TAPT1: variants seen among roughly 807,000 people sequenced by gnomAD.
TAPT1 encodes transmembrane anterior posterior transformation 1.
Under a neutral mutation model 65.6 loss-of-function variants are expected in TAPT1, and 28 were observed. The observed-to-expected ratio is 0.43, with a 90% confidence interval of 0.32 to 0.59. The LOEUF (loss-of-function observed/expected upper bound fraction) is 0.59, where lower values mean the gene tolerates loss of function less well. TAPT1 is among the 20% of genes least tolerant of loss of function. The pLI, the probability that TAPT1 is intolerant of heterozygous loss-of-function variation, is 0.09. For missense variants in TAPT1, 563 were observed against 679.9 expected, an observed-to-expected ratio of 0.83 and a Z score of 1.91; for synonymous variants, 278 against 245.2, an observed-to-expected ratio of 1.13 and a Z score of -1.25.
At chr4:16,187,440 T>C (rs753161366) in intron 5 of TAPT1, among the ~76,000 whole-genome samples, 13 of 152,212 alleles carry the variant, frequency 8.5e-5, no homozygotes, top group Non-Finnish European at 1.8e-4. Flanking sequence ...AGAATTATAT[T>C]TGTATTACAT....
rs374069187 is a variant in TAPT1 at position 16,215,285 on chromosome 4, T to C, written c.200-1387A>G. Among the ~76,000 whole-genome samples, 5 of 152,198 alleles carry C rather than the reference T, an allele frequency of 3.3e-5. No homozygotes were observed. In the East Asian group the frequency reaches 5.8e-4, roughly 18 times the overall value. ...CAGCGTAGGTGACACAGCAGGACTG[T>C]GTCTCAAAACAACAACAACAAAATA... On this transcript the variant is annotated intron_variant, in intron 1 of 13. Transcript: ENST00000405303.
intron 1 of TAPT1, among the ~76,000 whole-genome samples, chr4:16,215,874 T>G (rs1214164431): frequency 1.3e-5 from 2 of 152,186 alleles, no homozygotes; most frequent in East Asian, 3.8e-4. Flanking sequence ...AAAGAAAACC[T>G]TTTGAGTTGC....
intron 12 of TAPT1, among the ~76,000 whole-genome samples, chr4:16,167,313 T>C (rs980004418): frequency 6.6e-6 from 1 of 152,140 alleles, no homozygotes; most frequent in African/African-American, 2.4e-5. Flanking sequence ...TTGTAAGAAA[T>C]TATACCATTT....
At chr4:16,167,440 C>T (rs1399226006) in intron 12 of TAPT1, among the ~76,000 whole-genome samples, 1 of 152,196 alleles carries the variant, frequency 6.6e-6, no homozygotes, top group Non-Finnish European at 1.5e-5. Flanking sequence ...ATTCCACACC[C>T]TTATGATAAT....
intron 3 of TAPT1, among the ~76,000 whole-genome samples, chr4:16,193,248 AAG>A (rs990772468): frequency 6.6e-6 from 1 of 152,342 alleles, no homozygotes; most frequent in Admixed American, 6.5e-5. Flanking sequence ...GAGCCTAAAT[AAG>A]AGAGAGGTCA....
chr4:16,177,209 C>T (rs1165374573), intron 8 of TAPT1, among the ~76,000 whole-genome samples: 1 of 152,180 alleles, frequency 6.6e-6, no homozygotes, highest in Non-Finnish European at 1.5e-5. Flanking sequence ...ATTTGATCTT[C>T]ACAAATTATA....
chr4:16,184,491 C>A (rs1281456441), intron 7 of TAPT1, among the ~76,000 whole-genome samples: 1 of 152,176 alleles, frequency 6.6e-6, no homozygotes, highest in Non-Finnish European at 1.5e-5. Context: ...ACAAGTCCTA[C>A]TGAGGAAATA....
At chr4:16,224,677 G>T (rs1205187102) in intron 1 of TAPT1, among the ~76,000 whole-genome samples, 1 of 152,074 alleles carries the variant, frequency 6.6e-6, no homozygotes, top group East Asian at 1.9e-4. Flanking sequence ...CTGCAACTAT[G>T]GGTTAAAAAA....
At chr4:16,166,598 T>G (rs964709849) in intron 13 of TAPT1, 35 bp downstream of exon 13, 12 of 1,602,036 alleles carry the variant, frequency 7.5e-6, no homozygotes, top group African/African-American at 1.3e-5. Flanking sequence ...TCTTTGAAAA[T>G]GATCCAGGGA....
rs111648790 is a variant in TAPT1, at chr4:16,194,840, A to C, written c.450-3317T>G. Among the ~76,000 whole-genome samples the C allele has an allele frequency of 3.2e-3, 484 of 149,474 alleles. 8 individuals are homozygous for C. Among genetic ancestry groups the C allele is most frequent in the African/African-American group, 0.012 (456 of 38,920 alleles). On this transcript the variant is annotated intron_variant, in intron 3 of 13. Transcript: ENST00000405303. Reference sequence around the variant, plus strand: ...AATACAAGAAGCAGAACCTTTAAAAAACAAGGGTCTTGATTTCTGTCTTCT... The same window carrying C: ...AATACAAGAAGCAGAACCTTTAAAACACAAGGGTCTTGATTTCTGTCTTCT...
At position 16,213,446 on chromosome 4, in the gene TAPT1, CT is replaced by C. The variant is rs1315340094; in HGVS notation, c.330+321del. On this transcript the variant is annotated intron_variant, in intron 2 of 13. Coordinates refer to ENST00000405303, the MANE Select transcript of TAPT1 (RefSeq NM_153365.3). Reference sequence around the variant, plus strand: ...TGAATGGGGGAAAAAAAACCTGTTTCTAGTAAAAGAGAACTGAAGGGAACTA... The same window carrying C: ...TGAATGGGGGAAAAAAAACCTGTTTCAGTAAAAGAGAACTGAAGGGAACTA... Among the ~76,000 whole-genome samples, 4 of 152,094 alleles carry C rather than the reference CT, an allele frequency of 2.6e-5. No individual in the cohort carries two copies. The East Asian group carries it at 7.7e-4, about 29-fold the overall frequency.
At chr4:16,213,404 TAAATA>T (rs1292455396) in intron 2 of TAPT1, among the ~76,000 whole-genome samples, 8 of 152,248 alleles carry the variant, frequency 5.3e-5, no homozygotes, top group Middle Eastern at 6.8e-3. Flanking sequence ...AGGCTGAAAT[TAAATA>T]ATTTATCATG....
chr4:16,164,870 C>T (rs1387559844), intron 13 of TAPT1, among the ~76,000 whole-genome samples: 1 of 152,154 alleles, frequency 6.6e-6, no homozygotes, highest in Non-Finnish European at 1.5e-5. Flanking sequence ...AGTGATTATA[C>T]ACATTGTTAT....
At chr4:16,212,177 G>C (rs559713188) in intron 2 of TAPT1, among the ~76,000 whole-genome samples, 2 of 152,324 alleles carry the variant, frequency 1.3e-5, no homozygotes, top group Non-Finnish European at 2.9e-5. Context: ...ATAAAGTTTG[G>C]TGGGAGTTGC....
chr4:16,171,017 T>C (rs1747957983), intron 11 of TAPT1, among the ~76,000 whole-genome samples: 1 of 152,202 alleles, frequency 6.6e-6, no homozygotes, highest in Non-Finnish European at 1.5e-5. Flanking sequence ...GGCCCTATAC[T>C]TAGGTCATGA....
intron 7 of TAPT1, among the ~76,000 whole-genome samples, chr4:16,180,406 C>T (rs1220911301): frequency 1.3e-5 from 2 of 152,188 alleles, no homozygotes; most frequent in African/African-American, 2.4e-5. Context: ...GAGTGGCACA[C>T]CCATGTATGT....
At chr4:16,174,338 T>C (rs1323012410) in intron 10 of TAPT1, 66 bp from the exon 11 acceptor site, 1 of 1,369,628 alleles carries the variant, frequency 7.3e-7, no homozygotes, top group East Asian at 2.5e-5. Flanking sequence ...AAAGTACTAT[T>C]CACTTATTAC....
At chr4:16,216,310 GGTA>G (rs1750940888) in intron 1 of TAPT1, 1 of 152,072 alleles carries the variant, frequency 6.6e-6, no homozygotes, top group African/African-American at 2.4e-5. Flanking sequence ...CTTTAATGAT[GGTA>G]TTCTCCAATA....
intron 3 of TAPT1, among the ~76,000 whole-genome samples, chr4:16,197,834 A>G (rs1244689009): frequency 6.6e-6 from 1 of 152,218 alleles, no homozygotes. Context: ...CTTTTAAAGA[A>G]TTTAGATGCA....
Sources: allele counts gnomAD v4.1 joint callset (sites outside exome capture counted in the v4.1 genomes callset), GRCh38; gene constraint gnomAD v4.1.1; transcripts MANE v1.5; gene names NCBI Gene and HGNC (gene_info 2026-07-23, HGNC 2026-07-21).